The following LRRC37A2 variants were observed in gnomAD, a reference collection of about 807,000 sequenced individuals.
The protein encoded by LRRC37A2 is leucine rich repeat containing 37 member A2, also known as leucine-rich repeat-containing protein 37A2.
In LRRC37A2, 9 loss-of-function variants were observed where a neutral mutation model predicts 68.8. The observed-to-expected ratio is 0.13, with a 90% CI of 0.08 to 0.23. LRRC37A2 has a LOEUF of 0.23. Ranked by LOEUF, LRRC37A2 falls within the 10% of genes least tolerant of loss-of-function variation. LRRC37A2 has a pLI of 1.00. For missense variants in LRRC37A2, 168 were observed against 950.4 expected (o/e 0.18, Z 10.82); for synonymous variants, 63 against 367.6 (o/e 0.17, Z 9.48).
the LRRC37A2 span, chr17:46,923,859 A>G: frequency 1.3e-5 from 5 of 398,338 alleles, no homozygotes; most frequent in Non-Finnish European, 2.2e-5. Context: ...AATTGCTGAG[A>G]TACGTAGTTG....
chr17:46,999,914 G>A, the LRRC37A2 span, among the ~76,000 whole-genome samples: 7 of 150,060 alleles, frequency 4.7e-5, no homozygotes, highest in South Asian at 2.1e-4. Context: ...CAGGAGAATC[G>A]CTTGAACCTG....
At chr17:46,881,047 CA>C in the LRRC37A2 span, among the ~76,000 whole-genome samples, 1 of 152,250 alleles carries the variant, frequency 6.6e-6, no homozygotes, top group Non-Finnish European at 1.5e-5. Flanking sequence ...TTTCTGGCCA[CA>C]GTTCCTTCCC....
At chr17:46,958,146 A>G in the LRRC37A2 span, among the ~76,000 whole-genome samples, 1 of 152,302 alleles carries the variant, frequency 6.6e-6, no homozygotes, top group East Asian at 1.9e-4. Context: ...GCAACTGGCC[A>G]GGGGGCCTCA....
the LRRC37A2 span, among the ~76,000 whole-genome samples, chr17:46,609,918 T>C: frequency 7.0e-6 from 1 of 143,304 alleles, no homozygotes; most frequent in African/African-American, 2.5e-5. Context: ...CTTGACCTCC[T>C]GGGCTCAAAC....
the LRRC37A2 span, among the ~76,000 whole-genome samples, chr17:46,821,452 G>A: frequency 1.3e-5 from 2 of 152,116 alleles, no homozygotes; most frequent in South Asian, 2.1e-4. Context: ...GAGGGCGGGC[G>A]CCCCTGACCA....
intron 8 of LRRC37A2, among the ~76,000 whole-genome samples, chr17:46,545,827 A>G (rs1193124553): frequency 1.4e-4 from 21 of 149,698 alleles, no homozygotes; most frequent in Admixed American, 3.3e-4. Context: ...ATCCAGGTTA[A>G]ACTAAGCTAT....
chr17:46,796,592 C>A, the LRRC37A2 span, among the ~76,000 whole-genome samples: 1 of 152,222 alleles, frequency 6.6e-6, no homozygotes, highest in East Asian at 1.9e-4. Flanking sequence ...GAGGCAAGCG[C>A]AACTTGGTTC....
the LRRC37A2 span, among the ~76,000 whole-genome samples, chr17:46,825,978 G>A: frequency 6.9e-4 from 105 of 152,346 alleles, no homozygotes; most frequent in Non-Finnish European, 1.2e-3. Flanking sequence ...AGCCAAGACC[G>A]TGCCACTGCA....
chr17:46,899,776 T>G, the LRRC37A2 span, among the ~76,000 whole-genome samples: 21,150 of 152,058 alleles, frequency 0.14, 3,175 homozygotes, highest in African/African-American at 0.38. Flanking sequence ...TTATGTGAAT[T>G]GTATCCCCAT....
At chr17:46,718,301 G>T in the LRRC37A2 span, among the ~76,000 whole-genome samples, 2 of 152,058 alleles carry the variant, frequency 1.3e-5, no homozygotes, top group East Asian at 3.9e-4. Flanking sequence ...TGGCCATGCC[G>T]GGCCAGCCCC....
the LRRC37A2 span, among the ~76,000 whole-genome samples, chr17:46,896,148 G>T: frequency 1.3e-5 from 2 of 151,858 alleles, no homozygotes; most frequent in African/African-American, 4.8e-5. Flanking sequence ...AAAAAAATTA[G>T]CTGGGCCTGG....
chr17:46,761,088 T>A, the LRRC37A2 span, among the ~76,000 whole-genome samples: 2 of 152,214 alleles, frequency 1.3e-5, no homozygotes, highest in African/African-American at 4.8e-5. Flanking sequence ...GAAATAAAAA[T>A]GACCAGACTG....
At chr17:46,957,580 T>G in the LRRC37A2 span, among the ~76,000 whole-genome samples, 213 of 152,116 alleles carry the variant, frequency 1.4e-3, 3 homozygotes, top group East Asian at 6.0e-3. Flanking sequence ...GCCACTGCAC[T>G]CCAGCCTAGG....
the LRRC37A2 span, among the ~76,000 whole-genome samples, chr17:46,904,379 T>C: frequency 6.8e-6 from 1 of 147,526 alleles, no homozygotes; most frequent in Admixed American, 6.7e-5. Context: ...GGTGGGTGGC[T>C]GACTGGCTGG....
chr17:46,800,174 G>A, the LRRC37A2 span, among the ~76,000 whole-genome samples: 3 of 151,906 alleles, frequency 2.0e-5, no homozygotes, highest in African/African-American at 7.3e-5. Flanking sequence ...GCAGTGGCGC[G>A]ATCTCGGCTC....
the LRRC37A2 span, among the ~76,000 whole-genome samples, chr17:46,816,107 G>A: frequency 6.5e-5 from 3 of 46,262 alleles, no homozygotes; most frequent in African/African-American, 1.6e-4. Context: ...GCATGCGCGC[G>A]CACGTACACA....
At chr17:46,951,985 G>A in the LRRC37A2 span, among the ~76,000 whole-genome samples, 7 of 152,106 alleles carry the variant, frequency 4.6e-5, no homozygotes, top group Admixed American at 3.9e-4. Context: ...CATCCTCTCA[G>A]AGTGGCTATA....
At chr17:47,015,006 CT>C in the LRRC37A2 span, among the ~76,000 whole-genome samples, 38 of 106,114 alleles carry the variant, frequency 3.6e-4, no homozygotes, top group African/African-American at 9.6e-4. Flanking sequence ...CCATTTTTAT[CT>C]TTTTTTTTTT....
At chr17:46,983,621 C>T in the LRRC37A2 span, among the ~76,000 whole-genome samples, 4 of 152,196 alleles carry the variant, frequency 2.6e-5, no homozygotes, top group African/African-American at 9.6e-5. Flanking sequence ...AGCCTCTGGT[C>T]CCAGCAAGTT....
Sources: gnomAD v4.1 joint callset for allele counts (sites outside exome capture counted in the v4.1 genomes callset) on GRCh38, gnomAD v4.1.1 for gene constraint, MANE v1.5 for transcripts, NCBI Gene and HGNC (gene_info 2026-07-23, HGNC 2026-07-21) for gene names.